Variants in SORCS2 observed in about 807,000 individuals in gnomAD.
SORCS2 encodes sortilin related VPS10 domain containing receptor 2, also known as VPS10 domain-containing receptor SorCS2.
Under a neutral mutation model 141.6 loss-of-function variants are expected in SORCS2, and 100 were observed. The observed-to-expected ratio is 0.71, with a 90% CI of 0.60 to 0.83. The LOEUF (loss-of-function observed/expected upper bound fraction) is 0.83. SORCS2 is among the 40% of genes least tolerant of loss of function. SORCS2 has a pLI of 0.00. For synonymous variants in SORCS2, 789 were observed against 676.9 expected (o/e 1.17, Z -2.57); for missense variants, 1,646 against 1,560.2 (o/e 1.05, Z -0.93).
Position 7,682,761 on chromosome 4 carries a change from G to C in SORCS2, c.1360G>C (p.Val454Leu). Residue 454 changes from valine (V) to leucine (L), a missense_variant, in exon 10 of 27, where the codon GTC (valine) becomes CTC (leucine). Coordinates refer to ENST00000507866, the MANE Select transcript of SORCS2 (RefSeq NM_020777.3). ...DILEVRGVKG[V>L]FLANQKIDGK... ...GTCCCAGGTCAGAGGGGTGAAAGGA[G>C]TCTTCCTGGCAAACCAAAAAATTGA... The C allele has an allele frequency of 6.2e-7, 1 of 1,611,310 alleles. No individual in the cohort carries two copies. Among genetic ancestry groups the C allele is most frequent in the Non-Finnish European group, 8.5e-7 (1 of 1,178,698 alleles).
intron 10 of SORCS2, among the ~76,000 whole-genome samples, chr4:7,687,704 T>C (rs1314518080): frequency 1.3e-5 from 2 of 152,182 alleles, no homozygotes; most frequent in African/African-American, 4.8e-5. Flanking sequence ...CTTTCTTTTT[T>C]TGGTTTTTAA....
At chr4:7,726,602 G>A (rs546973034) in intron 20 of SORCS2, among the ~76,000 whole-genome samples, 178 bp from the exon 21 acceptor site, 2 of 152,158 alleles carry the variant, frequency 1.3e-5, no homozygotes, top group East Asian at 1.9e-4. Flanking sequence ...ATAAAGAACC[G>A]GCTGCCCGCC....
intron 1 of SORCS2, among the ~76,000 whole-genome samples, chr4:7,272,680 G>A (rs1277237701): frequency 6.6e-6 from 1 of 152,230 alleles, no homozygotes; most frequent in African/African-American, 2.4e-5. Context: ...AGCGTGAGAT[G>A]GGGCTTGGGA....
intron 1 of SORCS2, among the ~76,000 whole-genome samples, chr4:7,324,152 G>T (rs534738323): frequency 2.6e-5 from 4 of 152,254 alleles, no homozygotes; most frequent in African/African-American, 9.6e-5. Flanking sequence ...TGGCTCTAAA[G>T]CCTATTCCCT....
intron 26 of SORCS2, 41 bp downstream of exon 26, chr4:7,737,213 AG>A: frequency 3.2e-6 from 5 of 1,549,218 alleles, no homozygotes; most frequent in Non-Finnish European, 4.4e-6. Flanking sequence ...CGCAGACTCT[AG>A]GTAACGTCCG....
chr4:7,254,218 T>C (rs1713697992), intron 1 of SORCS2, among the ~76,000 whole-genome samples: 1 of 152,194 alleles, frequency 6.6e-6, no homozygotes, highest in Non-Finnish European at 1.5e-5. Context: ...ATATACCTAT[T>C]CGTATGTGTA....
intron 1 of SORCS2, among the ~76,000 whole-genome samples, chr4:7,271,877 C>T (rs1039201300): frequency 1.3e-5 from 2 of 152,190 alleles, no homozygotes; most frequent in African/African-American, 4.8e-5. Flanking sequence ...GGATGGGAGC[C>T]CCAGGCTGCA....
At chr4:7,555,555 G>A (rs1560382714) in intron 3 of SORCS2, among the ~76,000 whole-genome samples, 1 of 152,214 alleles carries the variant, frequency 6.6e-6, no homozygotes, top group Non-Finnish European at 1.5e-5. Flanking sequence ...ATTTACGCGT[G>A]CAACTATTTA....
intron 1 of SORCS2, among the ~76,000 whole-genome samples, chr4:7,254,196 A>G (rs1410036313): frequency 6.6e-6 from 1 of 152,264 alleles, no homozygotes; most frequent in Admixed American, 6.5e-5. Context: ...GGAAAGGATC[A>G]GTGCATCAAA....
Position 7,411,672 on chromosome 4 carries a change from G to A in SORCS2, c.548+15317G>A, listed in dbSNP as rs562252202. On this transcript the variant is annotated intron_variant, in intron 2 of 26. Transcript: ENST00000507866. ...CCATCCATTTAGGCTCTGGGGTGGG[G>A]TGAGCTATGATAACTGATATCTAAG... 1.2e-4 allele frequency among the ~76,000 whole-genome samples: 19 copies of A among 152,208 alleles called. No individual in the cohort carries two copies. In the South Asian group the frequency reaches 3.7e-3, roughly 30 times the overall value.
chr4:7,462,120 C>T lies in SORCS2; in HGVS notation c.548+65765C>T, dbSNP rs568055939. Among the ~76,000 whole-genome samples the T allele has an allele frequency of 2.6e-3, 391 of 152,320 alleles. 1 individual carries two copies. The highest frequency in any genetic ancestry group is 8.5e-3 in the African/African-American group (355 of 41,578). On this transcript the variant is annotated intron_variant, in intron 2 of 26. Transcript: ENST00000507866. ...GAGCCACCCAGAGTGCCTTGGAGCC[C>T]GGCCTGTGTGCTTCGCTCTTCCCTG...
At chr4:7,672,536 A>G (rs1306290139) in intron 8 of SORCS2, among the ~76,000 whole-genome samples, 1 of 152,204 alleles carries the variant, frequency 6.6e-6, no homozygotes, top group Non-Finnish European at 1.5e-5. Context: ...ATTCACTACA[A>G]CTAATGGAAG....
chr4:7,312,001 A>G (rs1038476834), intron 1 of SORCS2, among the ~76,000 whole-genome samples: 1 of 152,000 alleles, frequency 6.6e-6, no homozygotes, highest in Non-Finnish European at 1.5e-5. Context: ...TCAGCCTCCC[A>G]AGTAGCTGGG....
rs552226189 is a variant in SORCS2, at chr4:7,476,384, G to T, written c.549-55146G>T. On this transcript the variant is annotated intron_variant, in intron 2 of 26. Transcript: ENST00000507866. Reference sequence around the variant, plus strand: ...CCCACGTCTGACTGGGGCTGGCTGGGCAGAGTTTCTTCTTCTCTGGGATGT... The same window carrying T: ...CCCACGTCTGACTGGGGCTGGCTGGTCAGAGTTTCTTCTTCTCTGGGATGT... Among the ~76,000 whole-genome samples the T allele has an allele frequency of 2.6e-5, 4 of 152,298 alleles. No homozygotes were observed. In the East Asian group the frequency reaches 7.7e-4, roughly 29 times the overall value.
intron 1 of SORCS2, among the ~76,000 whole-genome samples, chr4:7,369,493 G>A (rs1277250248): frequency 2.6e-5 from 4 of 152,228 alleles, no homozygotes; most frequent in African/African-American, 7.2e-5. Context: ...TGAGGAAACT[G>A]AGGCACAGAG....
intron 2 of SORCS2, among the ~76,000 whole-genome samples, chr4:7,511,599 G>C (rs932910584): frequency 6.6e-6 from 1 of 152,146 alleles, no homozygotes; most frequent in Non-Finnish European, 1.5e-5. Context: ...AGAGATGGAC[G>C]CTGGGTGCGT....
intron 1 of SORCS2, among the ~76,000 whole-genome samples, chr4:7,363,271 C>A (rs1488150798): frequency 2.0e-5 from 3 of 147,270 alleles, no homozygotes; most frequent in African/African-American, 7.9e-5. Context: ...ACTACCATTA[C>A]CATGATCATT....
intron 3 of SORCS2, among the ~76,000 whole-genome samples, chr4:7,570,060 G>A (rs1715283825): frequency 6.6e-6 from 1 of 152,128 alleles, no homozygotes; most frequent in African/African-American, 2.4e-5. Context: ...CTGAGAGCAG[G>A]GCCCCCATAA....
intron 9 of SORCS2, among the ~76,000 whole-genome samples, chr4:7,681,618 A>C (rs1723530910): frequency 6.6e-6 from 1 of 152,218 alleles, no homozygotes; most frequent in South Asian, 2.1e-4. Context: ...GTCTGAAGCC[A>C]CTGGGTTTGT....
Sources: allele counts gnomAD v4.1 joint callset (sites outside exome capture counted in the v4.1 genomes callset), GRCh38; gene constraint gnomAD v4.1.1; transcripts MANE v1.5; gene names NCBI Gene and HGNC (gene_info 2026-07-23, HGNC 2026-07-21).